Variants in BRINP3 observed in about 807,000 individuals in gnomAD.
BRINP3 encodes BMP/retinoic acid-inducible neural-specific protein 3.
BRINP3 carries 19 observed loss-of-function variants against 71.0 expected under a neutral mutation model. The ratio of observed to expected loss-of-function variants is 0.27; its 90% confidence interval spans 0.19 to 0.39. BRINP3 has a LOEUF of 0.39. Among genes scored for constraint, BRINP3 ranks in the 10% least tolerant of loss-of-function variants. BRINP3 has a pLI of 1.00. For synonymous variants in BRINP3, 380 were observed against 337.7 expected (o/e 1.13, Z -1.37); for missense variants, 959 against 940.8 (o/e 1.02, Z -0.25).
chr1:190,307,275 T>G (rs955019825), intron 2 of BRINP3, among the ~76,000 whole-genome samples: 21 of 128,766 alleles, frequency 1.6e-4, no homozygotes, highest in Admixed American at 3.2e-4. Context: ...TTTTTTTTTT[T>G]TTTTTTTTTT....
intron 2 of BRINP3, among the ~76,000 whole-genome samples, chr1:190,328,504 G>T (rs1666753647): frequency 6.6e-6 from 1 of 151,770 alleles, no homozygotes; most frequent in African/African-American, 2.4e-5. Context: ...TGGAAAAACT[G>T]AACAGAATAA....
At chr1:190,469,272 A>T (rs1185277876) in intron 1 of BRINP3, among the ~76,000 whole-genome samples, 1 of 151,044 alleles carries the variant, frequency 6.6e-6, no homozygotes, top group Admixed American at 6.6e-5. Flanking sequence ...TACTTACCAC[A>T]TTTATAAAAT....
chr1:190,219,590 A>C (rs1656695202), intron 6 of BRINP3, among the ~76,000 whole-genome samples: 1 of 152,080 alleles, frequency 6.6e-6, no homozygotes, highest in Admixed American at 6.6e-5. Flanking sequence ...CTGTAATCCC[A>C]GCACTTTGGG....
rs542431584 is a variant in BRINP3 at position 190,286,545 on chromosome 1, T to C, written c.237-4795A>G. ...ACCAATGAAAAAGAAACCCAAAATATATTGACAAAAGCAGATGATGCAGTA... is the reference window on the plus strand; with the variant it reads ...ACCAATGAAAAAGAAACCCAAAATACATTGACAAAAGCAGATGATGCAGTA... On this transcript the variant is annotated intron_variant, in intron 2 of 7. Transcript: ENST00000367462. Among the ~76,000 whole-genome samples the C allele has an allele frequency of 7.9e-5, 12 of 152,296 alleles. No homozygotes were observed. The East Asian group carries it at 1.3e-3, about 17-fold the overall frequency.
intron 2 of BRINP3, among the ~76,000 whole-genome samples, chr1:190,387,620 G>A (rs1414283229): frequency 6.6e-6 from 1 of 151,848 alleles, no homozygotes; most frequent in African/African-American, 2.4e-5. Context: ...ATGGGTTCCA[G>A]GACAACATGT....
intron 2 of BRINP3, among the ~76,000 whole-genome samples, chr1:190,324,216 A>G (rs889206234): frequency 3.9e-5 from 6 of 152,012 alleles, no homozygotes; most frequent in Non-Finnish European, 8.8e-5. Context: ...ATAGCTATAC[A>G]ACGTGTGTGT....
intron 2 of BRINP3, among the ~76,000 whole-genome samples, chr1:190,435,093 A>G (rs1367002613): frequency 6.6e-6 from 1 of 152,182 alleles, no homozygotes; most frequent in Non-Finnish European, 1.5e-5. Flanking sequence ...TGCATGCAAC[A>G]AAAACAAATT....
chr1:190,270,670 G>T (rs1662030706), intron 3 of BRINP3, among the ~76,000 whole-genome samples: 1 of 151,590 alleles, frequency 6.6e-6, no homozygotes, highest in Non-Finnish European at 1.5e-5. Context: ...AAATCATAAT[G>T]GGACGAGTAT....
intron 2 of BRINP3, among the ~76,000 whole-genome samples, chr1:190,449,446 G>T (rs905637238): frequency 1.1e-4 from 17 of 151,820 alleles, no homozygotes; most frequent in Non-Finnish European, 1.5e-5. Context: ...TATTTCTTTC[G>T]TTTAGCTATT....
At chr1:190,100,605 G>C (rs898117921) in intron 7 of BRINP3, among the ~76,000 whole-genome samples, 4 of 152,124 alleles carry the variant, frequency 2.6e-5, no homozygotes, top group Non-Finnish European at 5.9e-5. Context: ...GAAAATCCTA[G>C]CTCTGAAGTA....
At chr1:190,245,782 G>T (rs139469404) in intron 4 of BRINP3, among the ~76,000 whole-genome samples, 3,918 of 124,696 alleles carry the variant, frequency 0.031, 95 homozygotes, top group Middle Eastern at 0.14. Flanking sequence ...GCCCCAGTGT[G>T]TGATGTTCCC....
chr1:190,319,529 C>T (rs1666099822), intron 2 of BRINP3, among the ~76,000 whole-genome samples: 1 of 152,028 alleles, frequency 6.6e-6, no homozygotes, highest in Non-Finnish European at 1.5e-5. Context: ...CTCACTGTTC[C>T]ACAGGCTGTA....
chr1:190,462,020 C>G (rs1278233255), intron 1 of BRINP3, among the ~76,000 whole-genome samples: 1 of 152,108 alleles, frequency 6.6e-6, no homozygotes, highest in African/African-American at 2.4e-5. Context: ...TCAGGCGATT[C>G]TCCTGCCTCA....
At chr1:190,354,308 T>G (rs1668588838) in intron 2 of BRINP3, among the ~76,000 whole-genome samples, 1 of 151,902 alleles carries the variant, frequency 6.6e-6, no homozygotes, top group Non-Finnish European at 1.5e-5. Context: ...CATTACATAA[T>G]AGAAACCAGG....
chr1:190,115,782 T>C (rs1158610038), intron 7 of BRINP3, among the ~76,000 whole-genome samples: 2 of 152,136 alleles, frequency 1.3e-5, no homozygotes, highest in Non-Finnish European at 2.9e-5. Flanking sequence ...AATTTCTTAT[T>C]GCAGCTCTAC....
rs180783298 is a variant in BRINP3, at chr1:190,456,575, A to G, written c.-50-1635T>C. On this transcript the variant is annotated intron_variant, in intron 1 of 7. Transcript: ENST00000367462. The stretch of plus-strand genomic sequence containing the variant: ...AATTTGCTGAAAAAATATTTTATAT[A>G]TTTTTTCTTATGAGAACTATACAAT... Among the ~76,000 whole-genome samples, 278 of 151,872 alleles carry G rather than the reference A, an allele frequency of 1.8e-3. 1 individual carries two copies. Among genetic ancestry groups the G allele is most frequent in the Middle Eastern group, 0.014 (4 of 282 alleles).
At chr1:190,120,371 A>C (rs1449162635) in intron 7 of BRINP3, among the ~76,000 whole-genome samples, 1 of 152,246 alleles carries the variant, frequency 6.6e-6, no homozygotes, top group Non-Finnish European at 1.5e-5. Flanking sequence ...AACATATAAA[A>C]CAAGAAAACA....
At chr1:190,145,123 T>C (rs555371674) in intron 7 of BRINP3, among the ~76,000 whole-genome samples, 1 of 152,242 alleles carries the variant, frequency 6.6e-6, no homozygotes, top group South Asian at 2.1e-4. Flanking sequence ...CACTAAATTA[T>C]TAACTCATAA....
chr1:190,098,672 C>T lies in BRINP3; in HGVS notation c.1647G>A (p.Met549Ile), dbSNP rs1557963299. Residue 549 changes from methionine (M) to isoleucine (I), a missense_variant, in exon 8 of 8, where the codon ATG (methionine) becomes ATA (isoleucine). Met to Ile is a conservative substitution (Grantham distance 10). Coordinates refer to ENST00000367462, the MANE Select transcript of BRINP3 (RefSeq NM_199051.3). ...AAATCTGTAAAGAGAGACCCAAAAT[C>T]ATATGGACCAGACTTGACTTGTACT... The part of the protein sequence containing the change: ...SNKYKSSLVH[M>I]ILGLSLQICL... 3 of 1,614,180 alleles carry T rather than the reference C, an allele frequency of 1.9e-6. No individual in the cohort carries two copies. Among genetic ancestry groups the T allele is most frequent in the Non-Finnish European group, 2.5e-6 (3 of 1,180,034 alleles).
Sources: allele counts gnomAD v4.1 joint callset (sites outside exome capture counted in the v4.1 genomes callset), GRCh38; gene constraint gnomAD v4.1.1; transcripts MANE v1.5; gene names NCBI Gene and HGNC (gene_info 2026-07-23, HGNC 2026-07-21).